The following CNKSR3 variants were observed in gnomAD, a reference collection of about 807,000 sequenced individuals.
CNKSR3 encodes CNKSR family member 3, also known as connector enhancer of kinase suppressor of ras 3.
In CNKSR3, 36 loss-of-function variants were observed where a neutral mutation model predicts 67.7. The observed-to-expected ratio is 0.53, with a 90% confidence interval of 0.41 to 0.70. The LOEUF is 0.70. Ranked by LOEUF, CNKSR3 falls within the 30% of genes least tolerant of loss-of-function variation. The pLI is 0.00. For synonymous variants in CNKSR3, 281 were observed against 271.4 expected (o/e 1.04, Z -0.35); for missense variants, 630 against 695.2 (o/e 0.91, Z 1.05).
chr6:154,447,479 C>T (rs1032505043), intron 2 of CNKSR3, among the ~76,000 whole-genome samples: 11 of 152,244 alleles, frequency 7.2e-5, no homozygotes, highest in African/African-American at 2.6e-4. Context: ...CTGGTCTCAT[C>T]ATATAATACA....
chr6:154,474,499 A>C lies in CNKSR3; in HGVS notation c.53-24241T>G, dbSNP rs148240848. Among the ~76,000 whole-genome samples the C allele has an allele frequency of 4.1e-3, 627 of 152,256 alleles. 4 individuals are homozygous for C. The highest frequency in any genetic ancestry group is 5.3e-3 in the Non-Finnish European group (363 of 68,018). On this transcript the variant is annotated intron_variant, in intron 1 of 12. Coordinates refer to ENST00000607772, the MANE Select transcript of CNKSR3 (RefSeq NM_173515.4). Reference sequence around the variant, plus strand: ...ATTAGCTATTATTGTTCTTGGAACTAATGGAAAACAAAAACAAGGTTAGAT... The same window carrying C: ...ATTAGCTATTATTGTTCTTGGAACTCATGGAAAACAAAAACAAGGTTAGAT...
intron 1 of CNKSR3, among the ~76,000 whole-genome samples, chr6:154,455,995 T>A (rs567381699): frequency 8.7e-5 from 13 of 148,804 alleles, no homozygotes; most frequent in Non-Finnish European, 1.6e-4. Flanking sequence ...AATGCCCCAA[T>A]GCAAAAAAAA....
chr6:154,437,467 G>C (rs1409279237), intron 4 of CNKSR3, among the ~76,000 whole-genome samples: 1 of 145,154 alleles, frequency 6.9e-6, no homozygotes, highest in Non-Finnish European at 1.5e-5. Flanking sequence ...ACGCTGGAGT[G>C]AAGTGGCGCG....
Position 154,475,489 on chromosome 6 carries a change from G to A in CNKSR3, c.53-25231C>T, listed in dbSNP as rs750275356. Among the ~76,000 whole-genome samples the A allele has an allele frequency of 7.9e-5, 12 of 152,256 alleles. No individual in the cohort carries two copies. The South Asian group carries it at 1.4e-3, about 18-fold the overall frequency. ...GCCCTTGCTGTCCTCCCTACCCACC[G>A]GCATGTATAGACAAGCTTCAACTCA... is the stretch of plus-strand genomic sequence containing the variant. On this transcript the variant is annotated intron_variant, in intron 1 of 12. Coordinates refer to ENST00000607772, the MANE Select transcript of CNKSR3 (RefSeq NM_173515.4).
chr6:154,409,215 G>T (rs956428910), intron 12 of CNKSR3, among the ~76,000 whole-genome samples: 1 of 152,082 alleles, frequency 6.6e-6, no homozygotes, highest in African/African-American at 2.4e-5. Context: ...GGAAGGTTAG[G>T]CTTCCAGAAT....
Position 154,433,482 on chromosome 6 carries a change from T to A in CNKSR3, c.533A>T (p.Asp178Val). ...QKDCFVAEME[D>V]KVLTVVKVLN... is the part of the protein sequence containing the mutation. ...TATACTTACCACAGTTAAAACTTTA[T>A]CCTCCATTTCCGCTACAAAGCAATC... The change falls in exon 5 of 13, where the codon GAT (aspartate) becomes GTT (valine). Residue 178 changes from aspartate to valine, a missense_variant. By Grantham distance (152) the Asp-to-Val change is radical. Around this residue, in one of 3 missense-constraint regions of CNKSR3, gnomAD observed 133 missense variants for 190.6 expected, o/e 0.70. Transcript: ENST00000607772. 1 of 1,589,106 alleles carries A rather than the reference T, an allele frequency of 6.3e-7. No individual in the cohort carries two copies. Among genetic ancestry groups the A allele is most frequent in the Non-Finnish European group, 8.6e-7 (1 of 1,162,672 alleles).
intron 1 of CNKSR3, among the ~76,000 whole-genome samples, chr6:154,479,634 C>T (rs1300264293): frequency 6.6e-6 from 1 of 152,126 alleles, no homozygotes; most frequent in African/African-American, 2.4e-5. Context: ...ATCGAGGCCC[C>T]CCACTACAAT....
chr6:154,471,074 GA>G (rs1322962256), intron 1 of CNKSR3, among the ~76,000 whole-genome samples: 3 of 151,902 alleles, frequency 2.0e-5, no homozygotes, highest in East Asian at 1.9e-4. Flanking sequence ...GACAGTGGAA[GA>G]AAAAAAATCC....
rs1025665807 is a variant in CNKSR3 at position 154,398,362 on chromosome 6, T to C, written c.*7992A>G. 4 of 152,256 alleles carry C rather than the reference T, an allele frequency of 2.6e-5. No individual in the cohort carries two copies. The highest frequency in any genetic ancestry group is 4.8e-5 in the African/African-American group (2 of 41,466). The allele number at this position is 152,256 out of a possible 1,614,324, so 9.4% of individuals were successfully genotyped here. On this transcript the variant is annotated 3_prime_UTR_variant, in exon 13 of 13. Transcript: ENST00000607772. ...ATAAGCCCCACAAAAGTGATTGTTA[T>C]GCTGAGCCGAACAACCATTTTTTAC... is the stretch of plus-strand genomic sequence containing the variant.
rs1465305013 is a variant in CNKSR3 at position 154,411,615 on chromosome 6, T to C, written c.1071-473A>G. 1.1e-4 allele frequency among the ~76,000 whole-genome samples: 14 copies of C among 125,946 alleles called. 2 individuals are homozygous for C. The highest frequency in any genetic ancestry group is 4.1e-4 in the Admixed American group (4 of 9,780). The allele number at this position is 125,946 out of a possible 152,430, so 82.6% of individuals were successfully genotyped here. ...TGCCACTGCACTCCAGCCTGGGCAA[T>C]GGAGCGAGACTCCATCTCAAAAAAA... On this transcript the variant is annotated intron_variant, in intron 10 of 12. Coordinates refer to ENST00000607772, the MANE Select transcript of CNKSR3 (RefSeq NM_173515.4).
rs529710611 is a variant in CNKSR3 at position 154,399,378 on chromosome 6, C to G, written c.*6976G>C. On this transcript the variant is annotated 3_prime_UTR_variant, in exon 13 of 13. Coordinates refer to ENST00000607772, the MANE Select transcript of CNKSR3 (RefSeq NM_173515.4). ...CTTAAATGCTGTGTGCCAGACTATG[C>G]GAAGAAAGGGCCTTAAAAACATTAT... 6.6e-6 allele frequency: 1 copy of G among 152,150 alleles called. No homozygotes were observed. The highest frequency in any genetic ancestry group is 1.5e-5 in the Non-Finnish European group (1 of 68,064). The allele number at this position is 152,150 out of a possible 1,614,324, so 9.4% of individuals were successfully genotyped here. A position where few individuals can be genotyped will look rare whatever the true frequency, so the allele number is the denominator to read the frequency against.
rs1474288865 is a variant in CNKSR3 at position 154,442,095 on chromosome 6, G to A, written c.412C>T (p.Leu138=). The A allele has an allele frequency of 6.2e-7, 1 of 1,605,858 alleles. No individual in the cohort carries two copies. Among genetic ancestry groups the A allele is most frequent in the Non-Finnish European group, 8.5e-7 (1 of 1,173,636 alleles). ...GGCACATCTCCAACTTACCGGTCCA[G>A]CCACGCCAGCAGGGCCTTGGCGGCG... is the stretch of plus-strand genomic sequence containing the variant. The part of the protein sequence containing the change: ...IGAAKALLAW[L]DRAPFTGITD... The change falls in exon 3 of 13, where the codon CTG becomes TTG. Residue 138 remains leucine, a synonymous_variant. Transcript: ENST00000607772.
intron 3 of CNKSR3, among the ~76,000 whole-genome samples, chr6:154,441,782 T>C (rs1274311279): frequency 6.6e-6 from 1 of 152,118 alleles, no homozygotes; most frequent in Admixed American, 6.5e-5. Flanking sequence ...ACATCCCTTC[T>C]GAAGTCAACT....
chr6:154,473,713 G>A (rs75338779), intron 1 of CNKSR3, among the ~76,000 whole-genome samples: 2,135 of 152,226 alleles, frequency 0.014, 43 homozygotes, highest in South Asian at 0.037. Flanking sequence ...GAGTCAGGTC[G>A]CCTGGATTCA....
chr6:154,442,572 A>G (rs1244231826), intron 2 of CNKSR3, among the ~76,000 whole-genome samples: 1 of 152,190 alleles, frequency 6.6e-6, no homozygotes, highest in African/African-American at 2.4e-5. Flanking sequence ...CAGTGAGCCG[A>G]GATGGCGCCA....
intron 1 of CNKSR3, among the ~76,000 whole-genome samples, chr6:154,455,608 G>A (rs1785936542): frequency 1.3e-5 from 2 of 151,836 alleles, no homozygotes; most frequent in Non-Finnish European, 2.9e-5. Flanking sequence ...TTTTAGTAGA[G>A]ACAGGGTTTC....
At chr6:154,416,147 T>C (rs1220925593) in intron 9 of CNKSR3, among the ~76,000 whole-genome samples, 1 of 152,090 alleles carries the variant, frequency 6.6e-6, no homozygotes, top group Non-Finnish European at 1.5e-5. Flanking sequence ...AACAAAAAGC[T>C]ACCCTTCAAC....
At chr6:154,492,298 C>G (rs181433184) in intron 1 of CNKSR3, among the ~76,000 whole-genome samples, 1 of 152,212 alleles carries the variant, frequency 6.6e-6, no homozygotes, top group Non-Finnish European at 1.5e-5. Flanking sequence ...GCCCTAGATT[C>G]CTTTCCTTGT....
intron 4 of CNKSR3, among the ~76,000 whole-genome samples, chr6:154,435,865 T>C (rs756993960): frequency 6.6e-6 from 1 of 152,246 alleles, no homozygotes; most frequent in African/African-American, 2.4e-5. Flanking sequence ...AGTTTCCTTC[T>C]TTCTAAAATG....
Sources: gnomAD v4.1 joint callset for allele counts (sites outside exome capture counted in the v4.1 genomes callset) on GRCh38, gnomAD v4.1.1 for gene constraint, gnomAD v4.1.1 regional missense constraint, MANE v1.5 for transcripts, NCBI Gene and HGNC (gene_info 2026-07-23, HGNC 2026-07-21) for gene names.